NBAS: variants seen among roughly 807,000 people sequenced by gnomAD.
The protein encoded by NBAS is NAG/BC035112 fusion.
In NBAS, 219 loss-of-function variants were observed where a neutral mutation model predicts 302.5. That is an observed-to-expected ratio of 0.72 (90% CI 0.65 to 0.81). The LOEUF is 0.81. Among genes scored for constraint, NBAS ranks in the 30% least tolerant of loss-of-function variants. NBAS has a pLI of 0.00. For missense variants in NBAS, 2,932 were observed against 2,841.6 expected (o/e 1.03, Z -0.72); for synonymous variants, 1,118 against 1,021.6 (o/e 1.09, Z -1.80).
At position 15,330,697 on chromosome 2, in the gene NBAS, T is replaced by C; in HGVS notation, c.4248A>G (p.Lys1416=). The C allele has an allele frequency of 1.2e-6, 2 of 1,614,086 alleles. No homozygotes were observed. The highest frequency in any genetic ancestry group is 8.5e-7 in the Non-Finnish European group (1 of 1,179,962). The part of the protein sequence containing the change: ...LLRWTTATTM[K]VLSNTTTTTK... ...TGGTGGTTGTGGTGTTGGAAAGGAC[T>C]TTCATGGTGGTAGCAGTGGTCCAGC... The change falls in exon 36 of 52, where the codon AAA becomes AAG. Residue 1416 remains lysine (K), a synonymous_variant. Transcript: ENST00000281513.
At chr2:14,923,705 T>C in the NBAS span, among the ~76,000 whole-genome samples, 1 of 152,186 alleles carries the variant, frequency 6.6e-6, no homozygotes, top group Non-Finnish European at 1.5e-5. Flanking sequence ...AACTTTCAAG[T>C]GGCCTGGCCC....
At position 15,474,228 on chromosome 2, in the gene NBAS, A is replaced by C; in HGVS notation, c.1438T>G (p.Ser480Ala). The C allele has an allele frequency of 6.2e-7, 1 of 1,614,128 alleles. No individual in the cohort carries two copies. The highest frequency in any genetic ancestry group is 1.6e-4 in the Middle Eastern group (1 of 6,062). Residue 480 changes from serine (S) to alanine (A), a missense_variant, in exon 15 of 52, where the codon TCT (serine) becomes GCT (alanine). Physicochemically the swap from Ser to Ala is moderately conservative, Grantham distance 99 (BLOSUM62 1). Transcript: ENST00000281513. Reference sequence around the variant, plus strand: ...TAACCAAAGTAGCGAGCCTTGGCAGATATTTCATAATCAGAATCAGAATCC... The same window carrying C: ...TAACCAAAGTAGCGAGCCTTGGCAGCTATTTCATAATCAGAATCAGAATCC... Reference protein sequence around the residue: ...EEDSDSDYEISAKARYFGYIK... With the variant: ...EEDSDSDYEIAAKARYFGYIK...
chr2:15,366,699 A>G lies in NBAS; in HGVS notation c.3704-6T>C, dbSNP rs777356941. On this transcript the variant is annotated splice_polypyrimidine_tract_variant and splice_region_variant and intron_variant, in intron 31 of 51. Coordinates refer to ENST00000281513, the MANE Select transcript of NBAS (RefSeq NM_015909.4). ...CCGATCAGGGCACAATCGCACTACA[A>G]AAGAAAGACGTATTAAAGACTTGGA... 24 of 1,612,760 alleles carry G rather than the reference A, an allele frequency of 1.5e-5. No individual in the cohort carries two copies. The South Asian group carries it at 2.4e-4, about 16-fold the overall frequency.
At chr2:15,172,141 T>TCAC (rs745459140) in intron 51 of NBAS, among the ~76,000 whole-genome samples, 2 of 152,206 alleles carry the variant, frequency 1.3e-5, no homozygotes, top group Non-Finnish European at 2.9e-5. Flanking sequence ...CAGTGTCACA[T>TCAC]CACGAACTTC....
chr2:15,335,409 T>C (rs1672537617), intron 35 of NBAS, among the ~76,000 whole-genome samples: 1 of 152,180 alleles, frequency 6.6e-6, no homozygotes, highest in African/African-American at 2.4e-5. Flanking sequence ...ATTTAGTAAA[T>C]AGTGCCAAAT....
In NBAS at chr2:15,510,962, G is replaced by A. The variant is rs1428845321; in HGVS notation, c.885+250C>T. Among the ~76,000 whole-genome samples, 4 of 152,146 alleles carry A rather than the reference G, an allele frequency of 2.6e-5. No individual in the cohort carries two copies. The East Asian group carries it at 7.7e-4, about 29-fold the overall frequency. On this transcript the variant is annotated intron_variant, in intron 10 of 51. Transcript: ENST00000281513. ...ATCTAAATAAGCAAATACAAGGAAT[G>A]GGACTACTGTTAGGTTGTTTTTCTA... is the stretch of plus-strand genomic sequence containing the variant.
chr2:14,883,378 T>C, the NBAS span, among the ~76,000 whole-genome samples: 2 of 152,334 alleles, frequency 1.3e-5, no homozygotes, highest in Admixed American at 1.3e-4. Context: ...ATATCTCAAA[T>C]TTTTAAATGC....
chr2:15,463,383 A>G (rs912321132), intron 19 of NBAS, among the ~76,000 whole-genome samples: 5 of 152,198 alleles, frequency 3.3e-5, no homozygotes, highest in African/African-American at 1.2e-4. Context: ...CATCATCAAA[A>G]GACACTGTAT....
At chr2:15,287,840 T>C (rs1670120688) in intron 41 of NBAS, among the ~76,000 whole-genome samples, 1 of 147,552 alleles carries the variant, frequency 6.8e-6, no homozygotes, top group Non-Finnish European at 1.5e-5. Context: ...GAGCACCCCG[T>C]GTAGGCATCC....
At position 15,396,400 on chromosome 2, in the gene NBAS, T is replaced by C. The variant is rs1355032607; in HGVS notation, c.3134+13A>G. 1 of 1,600,978 alleles carries C rather than the reference T, an allele frequency of 6.2e-7. No homozygotes were observed. Among genetic ancestry groups the C allele is most frequent in the East Asian group, 2.2e-5 (1 of 44,588 alleles). Reference sequence around the variant, plus strand: ...TAAGCATGGAGAAAAAAAAAAACTGTCATTTTTCTCACCTGAGAATTTGTT... The same window carrying C: ...TAAGCATGGAGAAAAAAAAAAACTGCCATTTTTCTCACCTGAGAATTTGTT... On this transcript the variant is annotated intron_variant, in intron 27 of 51. Coordinates refer to ENST00000281513, the MANE Select transcript of NBAS (RefSeq NM_015909.4).
intron 44 of NBAS, among the ~76,000 whole-genome samples, chr2:15,243,028 T>C (rs770207899): frequency 2.6e-5 from 4 of 152,098 alleles, no homozygotes; most frequent in Non-Finnish European, 4.4e-5. Flanking sequence ...GCAAATCTTA[T>C]TGGGTCAAGC....
chr2:14,867,189 C>T, the NBAS span, among the ~76,000 whole-genome samples: 1 of 152,172 alleles, frequency 6.6e-6, no homozygotes, highest in Non-Finnish European at 1.5e-5. Context: ...ACAAAGCCAA[C>T]CTTTCTGGCT....
intron 6 of NBAS, among the ~76,000 whole-genome samples, chr2:15,549,471 G>GT (rs1198727092): frequency 6.6e-6 from 1 of 151,992 alleles, no homozygotes; most frequent in Non-Finnish European, 1.5e-5. Flanking sequence ...GCTCATGCCT[G>GT]TAATGTCAGC....
the NBAS span, among the ~76,000 whole-genome samples, chr2:15,080,571 G>C: frequency 5.9e-5 from 9 of 152,296 alleles, no homozygotes; most frequent in East Asian, 1.7e-3. Flanking sequence ...ACAATTTATG[G>C]ATCAAGAACT....
intron 40 of NBAS, among the ~76,000 whole-genome samples, chr2:15,307,057 G>T (rs1384672527): frequency 6.6e-6 from 1 of 152,192 alleles, no homozygotes; most frequent in Non-Finnish European, 1.5e-5. Context: ...CCCTCCCGGG[G>T]GATGTGATGA....
the NBAS span, among the ~76,000 whole-genome samples, chr2:15,090,379 C>T: frequency 6.6e-6 from 1 of 152,222 alleles, no homozygotes; most frequent in Non-Finnish European, 1.5e-5. Flanking sequence ...TGACATAAGA[C>T]ATACGTATCT....
intron 9 of NBAS, among the ~76,000 whole-genome samples, chr2:15,524,627 A>T (rs754403611): frequency 6.6e-6 from 1 of 152,164 alleles, no homozygotes; most frequent in Non-Finnish European, 1.5e-5. Flanking sequence ...AAGGGAGACG[A>T]CAACCAAATG....
At chr2:15,013,539 C>G in the NBAS span, among the ~76,000 whole-genome samples, 1 of 152,260 alleles carries the variant, frequency 6.6e-6, no homozygotes, top group African/African-American at 2.4e-5. Flanking sequence ...AATCCCAACA[C>G]TTTAGAAGGC....
chr2:15,176,222 C>A (rs1402200484), intron 51 of NBAS, among the ~76,000 whole-genome samples: 2 of 152,174 alleles, frequency 1.3e-5, no homozygotes, highest in African/African-American at 4.8e-5. Flanking sequence ...GTAACACAAC[C>A]CTTTAATGGT....
Sources: gnomAD v4.1 joint callset for allele counts (sites outside exome capture counted in the v4.1 genomes callset) on GRCh38, gnomAD v4.1.1 for gene constraint, MANE v1.5 for transcripts, NCBI Gene and HGNC (gene_info 2026-07-23, HGNC 2026-07-21) for gene names.